The following OLFM3 variants were observed in gnomAD, a reference collection of about 807,000 sequenced individuals.
The protein encoded by OLFM3 is noelin-3.
Under a neutral mutation model 48.6 loss-of-function variants are expected in OLFM3, and 20 were observed. That is an observed-to-expected ratio of 0.41 (90% CI 0.29 to 0.60). The LOEUF (loss-of-function observed/expected upper bound fraction) is 0.60, where lower values mean the gene tolerates loss of function less well. Ranked by LOEUF, OLFM3 falls within the 20% of genes least tolerant of loss-of-function variation. The probability of loss-of-function intolerance (pLI) is 0.28; values close to 1 mark genes in which losing one functional copy is unlikely to be tolerated. For synonymous variants in OLFM3, 222 were observed against 198.1 expected (o/e 1.12, Z -1.01); for missense variants, 437 against 544.3 (o/e 0.80, Z 1.96).
intron 1 of OLFM3, among the ~76,000 whole-genome samples, chr1:101,887,376 A>G (rs1657804308): frequency 6.6e-6 from 1 of 152,020 alleles, no homozygotes. Flanking sequence ...AAAATGGCAA[A>G]CCAATAAAAT....
At chr1:101,944,458 G>C (rs569822615) in intron 1 of OLFM3, among the ~76,000 whole-genome samples, 1 of 152,242 alleles carries the variant, frequency 6.6e-6, no homozygotes, top group Admixed American at 6.5e-5. Flanking sequence ...TAAAGGAGGG[G>C]CTTAACTCCT....
chr1:101,886,277 AT>A lies in OLFM3; in HGVS notation c.70-49253del, dbSNP rs1387862269. 4.0e-5 allele frequency among the ~76,000 whole-genome samples: 6 copies of A among 151,026 alleles called. No individual in the cohort carries two copies. In the East Asian group the frequency reaches 7.8e-4, roughly 20 times the overall value. On this transcript the variant is annotated intron_variant, in intron 1 of 5. Coordinates refer to ENST00000370103, the MANE Select transcript of OLFM3 (RefSeq NM_058170.4). ...AACATACATGGTATGGAAAAAAAAA[AT>A]AATAGAAAAGTGGAAAGACTTAAGT...
intron 1 of OLFM3, among the ~76,000 whole-genome samples, chr1:101,917,632 G>A (rs1570629007): frequency 6.6e-6 from 1 of 152,156 alleles, no homozygotes; most frequent in East Asian, 1.9e-4. Context: ...GGCCAGGCTG[G>A]TTTCAAACTC....
chr1:101,858,773 C>G (rs1401241468), intron 1 of OLFM3, among the ~76,000 whole-genome samples: 4 of 152,032 alleles, frequency 2.6e-5, no homozygotes. Context: ...ATTGTAAGTT[C>G]TCTGAGGCCT....
intron 1 of OLFM3, among the ~76,000 whole-genome samples, chr1:101,962,741 G>A (rs1660503356): frequency 6.6e-6 from 1 of 152,032 alleles, no homozygotes. Context: ...TCTCAGTCTG[G>A]CTTCAAACTG....
chr1:101,944,645 C>G (rs549040760), intron 1 of OLFM3, among the ~76,000 whole-genome samples: 1 of 152,050 alleles, frequency 6.6e-6, no homozygotes, highest in Non-Finnish European at 1.5e-5. Context: ...TTTGGGAGTC[C>G]GAGGTGTGCA....
intron 1 of OLFM3, among the ~76,000 whole-genome samples, chr1:101,994,032 G>A (rs1557761648): frequency 2.0e-5 from 3 of 150,704 alleles, no homozygotes; most frequent in Admixed American, 1.3e-4. Flanking sequence ...TGGCACTGTT[G>A]TTAGAAAACC....
At chr1:101,812,854 C>T (rs2100872571) in intron 4 of OLFM3, 1 of 990,780 alleles carries the variant, frequency 1.0e-6, no homozygotes, top group African/African-American at 1.7e-5. Context: ...TTGATTCTTA[C>T]TCCAGTCAAT....
intron 1 of OLFM3, among the ~76,000 whole-genome samples, chr1:101,855,769 T>C (rs1570566361): frequency 1.3e-5 from 2 of 152,092 alleles, no homozygotes; most frequent in East Asian, 3.8e-4. Context: ...ACTGAAGTGT[T>C]AAATTATTGC....
chr1:101,962,709 G>A (rs1385981008), intron 1 of OLFM3, among the ~76,000 whole-genome samples: 2 of 152,132 alleles, frequency 1.3e-5, no homozygotes, highest in Non-Finnish European at 2.9e-5. Context: ...AATATTCTGT[G>A]TTAAATATTC....
At chr1:101,992,960 G>A (rs1038663282) in intron 1 of OLFM3, among the ~76,000 whole-genome samples, 11 of 152,082 alleles carry the variant, frequency 7.2e-5, no homozygotes, top group Non-Finnish European at 1.3e-4. Context: ...GTGTGAGAAA[G>A]TATCATGAAG....
chr1:101,923,134 T>A (rs1051831988), intron 1 of OLFM3, among the ~76,000 whole-genome samples: 25 of 152,330 alleles, frequency 1.6e-4, no homozygotes, highest in African/African-American at 5.1e-4. Flanking sequence ...GGTGGTCTTA[T>A]CCAGCAGACA....
chr1:101,948,015 T>C (rs1034479787), intron 1 of OLFM3, among the ~76,000 whole-genome samples: 1 of 152,110 alleles, frequency 6.6e-6, no homozygotes, highest in Non-Finnish European at 1.5e-5. Context: ...GGCCTGGAAA[T>C]TATCACAATA....
intron 1 of OLFM3, among the ~76,000 whole-genome samples, chr1:101,904,665 A>G (rs1378094538): frequency 2.0e-5 from 3 of 152,134 alleles, no homozygotes; most frequent in African/African-American, 7.2e-5. Flanking sequence ...ATACAATTCA[A>G]TGATGACAAA....
chr1:101,882,542 C>T (rs1657575848), intron 1 of OLFM3: 1 of 151,794 alleles, frequency 6.6e-6, no homozygotes, highest in South Asian at 2.1e-4. Flanking sequence ...TAGTATTGAT[C>T]TGGATCCCTG....
chr1:101,959,196 C>T (rs1336728120), intron 1 of OLFM3, among the ~76,000 whole-genome samples: 1 of 151,940 alleles, frequency 6.6e-6, no homozygotes, highest in Admixed American at 6.6e-5. Context: ...ATACTGCATC[C>T]TAGTTTTCAA....
intron 3 of OLFM3, among the ~76,000 whole-genome samples, chr1:101,826,125 G>A (rs1242960036): frequency 5.7e-5 from 7 of 122,940 alleles, no homozygotes; most frequent in East Asian, 4.5e-4. Flanking sequence ...ATTGACTTTC[G>A]TCAAACACAC....
chr1:101,895,983 T>C (rs1449190494), intron 1 of OLFM3, among the ~76,000 whole-genome samples: 1 of 149,374 alleles, frequency 6.7e-6, no homozygotes, highest in Non-Finnish European at 1.5e-5. Context: ...ATAATAATAA[T>C]AATAATAATA....
chr1:101,969,525 A>C (rs1187749515), intron 1 of OLFM3, among the ~76,000 whole-genome samples: 1 of 152,142 alleles, frequency 6.6e-6, no homozygotes, highest in Non-Finnish European at 1.5e-5. Flanking sequence ...AAAGATTTAA[A>C]GAATGATGGT....
Sources: gnomAD v4.1 joint callset for allele counts (sites outside exome capture counted in the v4.1 genomes callset) on GRCh38, gnomAD v4.1.1 for gene constraint, MANE v1.5 for transcripts, NCBI Gene and HGNC (gene_info 2026-07-23, HGNC 2026-07-21) for gene names.